The following DHX9 variants were observed in gnomAD, a reference collection of about 807,000 sequenced individuals.
The protein encoded by DHX9 is DExH-box helicase 9.
Under a neutral mutation model 148.7 loss-of-function variants are expected in DHX9, and 27 were observed. That is an observed-to-expected ratio of 0.18 (90% CI 0.13 to 0.25). DHX9 has a LOEUF of 0.25. DHX9 is among the 10% of genes least tolerant of loss of function. The pLI, the probability that DHX9 is intolerant of heterozygous loss-of-function variation, is 1.00. For missense variants in DHX9, 796 were observed against 1,559.6 expected (o/e 0.51, Z 8.25); for synonymous variants, 529 against 516.6 (o/e 1.02, Z -0.33).
intron 24 of DHX9, among the ~76,000 whole-genome samples, chr1:182,882,390 A>G (rs572296307): frequency 5.9e-5 from 9 of 152,334 alleles, no homozygotes; most frequent in African/African-American, 2.2e-4. Flanking sequence ...TCCAGTCAGT[A>G]GCTAAGTACT....
At chr1:182,840,700 G>A (rs6694228) in intron 1 of DHX9, among the ~76,000 whole-genome samples, 35,626 of 152,078 alleles carry the variant, frequency 0.23, 7,333 homozygotes, top group African/African-American at 0.56. Context: ...CCTGTACAAG[G>A]TTACTAAGGA....
chr1:182,842,049 T>A (rs1194055964), intron 1 of DHX9, among the ~76,000 whole-genome samples: 1 of 152,196 alleles, frequency 6.6e-6, no homozygotes, highest in Non-Finnish European at 1.5e-5. Context: ...ATGATAACTT[T>A]CTTAATATAT....
chr1:182,840,296 C>A (rs1013642566), intron 1 of DHX9, among the ~76,000 whole-genome samples: 3 of 137,818 alleles, frequency 2.2e-5, no homozygotes, highest in Non-Finnish European at 3.0e-5. Context: ...GGAATTCTTG[C>A]GCCTTTTTTT....
At position 182,853,430 on chromosome 1, in the gene DHX9, A is replaced by G. The variant is rs544355760; in HGVS notation, c.477+12A>G. 1 of 1,578,646 alleles carries G rather than the reference A, an allele frequency of 6.3e-7. No individual in the cohort carries two copies. Among genetic ancestry groups the G allele is most frequent in the African/African-American group, 1.4e-5 (1 of 74,022 alleles). The stretch of plus-strand genomic sequence containing the variant: ...AAGAAGTGCAAGCGGTAAGGCCAGC[A>G]CCGTAGGTTACATCTCTGAGAATGT... On this transcript the variant is annotated intron_variant, in intron 5 of 27. Transcript: ENST00000367549.
intron 24 of DHX9, among the ~76,000 whole-genome samples, chr1:182,882,789 C>T (rs1180169790): frequency 6.6e-6 from 1 of 150,544 alleles, no homozygotes; most frequent in Non-Finnish European, 1.5e-5. Flanking sequence ...GGCATGAACC[C>T]GGGAGGCAGA....
In DHX9 at chr1:182,848,299, T is replaced by C. The variant is rs180932985; in HGVS notation, c.253-3934T>C. Reference sequence around the variant, plus strand: ...GGATGTTTGGGGATGTATGGAGATATTTTTGTTGTTGTAACTCGAGGAGGC... The same window carrying C: ...GGATGTTTGGGGATGTATGGAGATACTTTTGTTGTTGTAACTCGAGGAGGC... On this transcript the variant is annotated intron_variant, in intron 3 of 27. Coordinates refer to ENST00000367549, the MANE Select transcript of DHX9 (RefSeq NM_001357.5). Among the ~76,000 whole-genome samples, 9 of 152,354 alleles carry C rather than the reference T, an allele frequency of 5.9e-5. No individual in the cohort carries two copies. The East Asian group carries it at 1.5e-3, about 26-fold the overall frequency.
At chr1:182,884,521 A>G (rs1649231755) in intron 26 of DHX9, 92 bp from the exon 27 acceptor site, 1 of 1,136,158 alleles carries the variant, frequency 8.8e-7, no homozygotes, top group East Asian at 2.6e-5. Flanking sequence ...AGTTAAATTT[A>G]TTCTATAATG....
intron 24 of DHX9, 139 bp downstream of exon 24, chr1:182,881,786 G>C: frequency 1.1e-6 from 1 of 888,970 alleles, no homozygotes; most frequent in Admixed American, 3.3e-5. Flanking sequence ...TAGTTCTCGT[G>C]AACACTGGTC....
chr1:182,852,668 CTTGT>C (rs1668175853), intron 4 of DHX9, among the ~76,000 whole-genome samples: 1 of 152,106 alleles, frequency 6.6e-6, no homozygotes, highest in Admixed American at 6.5e-5. Flanking sequence ...ATATTGTTGA[CTTGT>C]TTGTTTACCC....
At chr1:182,847,515 G>GCT (rs1668054432) in intron 3 of DHX9, among the ~76,000 whole-genome samples, 1 of 152,154 alleles carries the variant, frequency 6.6e-6, no homozygotes, top group African/African-American at 2.4e-5. Context: ...GGTCTCCTTT[G>GCT]CTGGGCAGCT....
intron 3 of DHX9, among the ~76,000 whole-genome samples, chr1:182,849,127 A>G (rs1668085141): frequency 6.6e-6 from 1 of 152,260 alleles, no homozygotes; most frequent in Non-Finnish European, 1.5e-5. Flanking sequence ...ATCCTTTTTC[A>G]TAATCACTTA....
intron 14 of DHX9, among the ~76,000 whole-genome samples, chr1:182,867,566 C>T (rs1438501103): frequency 2.0e-5 from 3 of 152,118 alleles, no homozygotes; most frequent in South Asian, 2.1e-4. Flanking sequence ...CCATGCCCGA[C>T]TGATTTTTGT....
rs2102619813 is a variant in DHX9 at position 182,881,513 on chromosome 1, A to G, written c.2787-7A>G. The G allele has an allele frequency of 1.9e-6, 3 of 1,609,768 alleles. No homozygotes were observed. In the East Asian group the frequency reaches 6.7e-5, roughly 36 times the overall value. On this transcript the variant is annotated splice_polypyrimidine_tract_variant and splice_region_variant and intron_variant, in intron 23 of 27. Transcript: ENST00000367549. ...AGAGAATGATTTCTCATGCCAATTT[A>G]TTTTAGAATGGGTGGAGAAGAAGCA...
At chr1:182,853,562 A>G (rs1030112400) in intron 5 of DHX9, 144 bp downstream of exon 5, 6 of 577,762 alleles carry the variant, frequency 1.0e-5, no homozygotes, top group South Asian at 5.3e-5. Flanking sequence ...AGCACAAGTC[A>G]TCATAAAGCT....
chr1:182,859,034 T>C lies in DHX9; in HGVS notation c.1063-6T>C. 1.9e-6 allele frequency: 3 copies of C among 1,613,746 alleles called. No individual in the cohort carries two copies. Among genetic ancestry groups the C allele is most frequent in the Non-Finnish European group, 8.5e-7 (1 of 1,179,930 alleles). On this transcript the variant is annotated splice_region_variant and splice_polypyrimidine_tract_variant and intron_variant, in intron 10 of 27. Transcript: ENST00000367549. ...TGTTTGACTATGTTGGCTTTTTGTT[T>C]TACAGGCTACTCCAGAGCAAATAAG... is the stretch of plus-strand genomic sequence containing the variant.
At chr1:182,841,888 G>A (rs1667938568) in intron 1 of DHX9, among the ~76,000 whole-genome samples, 1 of 152,140 alleles carries the variant, frequency 6.6e-6, no homozygotes, top group Admixed American at 6.6e-5. Context: ...ATTTGGTATA[G>A]AACATTTAAG....
chr1:182,883,675 G>C (rs1649190697), intron 26 of DHX9, 40 bp downstream of exon 26: 1 of 1,420,008 alleles, frequency 7.0e-7, no homozygotes, highest in Non-Finnish European at 9.9e-7. Flanking sequence ...TGAATTCTTA[G>C]AATTACAATA....
chr1:182,841,052 G>C (rs1557961100), intron 1 of DHX9, among the ~76,000 whole-genome samples: 1 of 152,174 alleles, frequency 6.6e-6, no homozygotes, highest in Non-Finnish European at 1.5e-5. Flanking sequence ...AGCACTTCGG[G>C]AGGTTGAGGC....
chr1:182,844,906 G>A (rs549056997), intron 3 of DHX9, among the ~76,000 whole-genome samples: 2 of 151,518 alleles, frequency 1.3e-5, no homozygotes, highest in African/African-American at 4.9e-5. Flanking sequence ...CAAGTGATCC[G>A]CCCCCTTCAG....
Sources: allele counts gnomAD v4.1 joint callset (sites outside exome capture counted in the v4.1 genomes callset), GRCh38; gene constraint gnomAD v4.1.1; transcripts MANE v1.5; gene names NCBI Gene and HGNC (gene_info 2026-07-23, HGNC 2026-07-21).